CC2D2B: variants seen among roughly 807,000 people sequenced by gnomAD.
The protein encoded by CC2D2B is coiled-coil and C2 domain containing 2B, also known as protein CC2D2B.
A neutral mutation model predicts 161.2 loss-of-function variants in CC2D2B; 128 were observed. The ratio of observed to expected loss-of-function variants is 0.79; its 90% CI spans 0.69 to 0.92. The LOEUF (loss-of-function observed/expected upper bound fraction) is 0.92, where lower values mean the gene tolerates loss of function less well. Among genes scored for constraint, CC2D2B ranks in the 40% least tolerant of loss-of-function variants. The pLI, the probability that CC2D2B is intolerant of heterozygous loss-of-function variation, is 0.00. For missense variants in CC2D2B, 1,173 were observed against 1,375.1 expected (o/e 0.85, Z 2.32); for synonymous variants, 391 against 449.8 (o/e 0.87, Z 1.65).
intron 17 of CC2D2B, 139 bp from the exon 18 acceptor site, chr10:95,981,836 C>T (rs1191003979): frequency 1.7e-5 from 7 of 422,218 alleles, no homozygotes; most frequent in Non-Finnish European, 2.8e-5. Flanking sequence ...TCTATTCTAT[C>T]CATAAATACA....
chr10:96,009,511 T>C (rs932201369), intron 25 of CC2D2B, among the ~76,000 whole-genome samples: 2 of 152,178 alleles, frequency 1.3e-5, no homozygotes, highest in Non-Finnish European at 2.9e-5. Flanking sequence ...CCACTTCACA[T>C]ATAGTGTAAG....
chr10:96,024,136 C>T (rs141236398), intron 32 of CC2D2B, among the ~76,000 whole-genome samples: 2 of 152,316 alleles, frequency 1.3e-5, no homozygotes, highest in South Asian at 2.1e-4. Context: ...GAAGTCCTCT[C>T]CTCCCAGAAA....
In CC2D2B at chr10:95,965,986, G is replaced by GA. The variant is rs1398540805; in HGVS notation, c.1347dup (p.Leu450ThrfsTer15). The GA allele has an allele frequency of 3.4e-6, 4 of 1,164,842 alleles. No homozygotes were observed. The highest frequency in any genetic ancestry group is 4.4e-5 in the South Asian group (1 of 22,872). 72.2% of individuals were successfully genotyped at this position (1,164,842 alleles called of 1,614,324 possible). On this transcript the variant is annotated frameshift_variant, in exon 13 of 35. Coordinates refer to ENST00000646931, the MANE Select transcript of CC2D2B (RefSeq NM_001349008.3). LOFTEE classifies it high-confidence loss of function. Reference sequence around the variant, plus strand: ...ATGAAGGAAAAGAACTTAAGAATGGGAAAAAACTGGAGGTATTTATATTGC... The same window carrying GA: ...ATGAAGGAAAAGAACTTAAGAATGGGAAAAAAACTGGAGGTATTTATATTGC...
intron 2 of CC2D2B, among the ~76,000 whole-genome samples, chr10:95,917,783 TTTTTGAGACAGTATTA>T (rs951149395): frequency 2.6e-5 from 4 of 152,176 alleles, no homozygotes; most frequent in Admixed American, 2.6e-4. Context: ...GCAGTTATTA[TTTTTGAGACAGTATTA>T]TTTTGAGACA....
intron 1 of CC2D2B, among the ~76,000 whole-genome samples, chr10:95,910,350 T>A (rs946287198): frequency 3.9e-5 from 6 of 152,314 alleles, no homozygotes; most frequent in Non-Finnish European, 8.8e-5. Flanking sequence ...CTGCAGGCTA[T>A]ATAAGCATGG....
At chr10:95,991,577 A>G (rs2077957912) in intron 21 of CC2D2B, 116 bp downstream of exon 21, 1 of 348,172 alleles carries the variant, frequency 2.9e-6, no homozygotes, top group Non-Finnish European at 5.1e-6. Context: ...ATGCGGTTTC[A>G]GATCATAACA....
At chr10:95,957,258 A>G (rs77163495) in intron 11 of CC2D2B, among the ~76,000 whole-genome samples, 6,469 of 152,226 alleles carry the variant, frequency 0.042, 188 homozygotes, top group South Asian at 0.084. Flanking sequence ...TGCAATGAGA[A>G]GGGGACCATT....
At chr10:95,927,189 T>C (rs774480919) in intron 5 of CC2D2B, 48 bp from the exon 6 acceptor site, 5 of 1,048,596 alleles carry the variant, frequency 4.8e-6, no homozygotes, top group Middle Eastern at 2.0e-4. Flanking sequence ...CCTTTACTTA[T>C]AAGCAGAAAA....
At chr10:96,030,094 G>A (rs1355384864) in intron 34 of CC2D2B, among the ~76,000 whole-genome samples, 1 of 152,080 alleles carries the variant, frequency 6.6e-6, no homozygotes, top group African/African-American at 2.4e-5. Flanking sequence ...ATTACAGAAT[G>A]AGCCACTGTG....
rs1049868753 is a variant in CC2D2B, at chr10:96,032,553, G to A, written c.*545G>A. 3.0e-5 allele frequency: 9 copies of A among 304,110 alleles called. No homozygotes were observed. The highest frequency in any genetic ancestry group is 8.7e-5 in the African/African-American group (4 of 45,788). The allele number at this position is 304,110 out of a possible 1,614,324, so 18.8% of individuals were successfully genotyped here. ...GTCACTACTAAACTAAGGCTGGTAC[G>A]TTTGATGCTGGGTCTGATACAATTT... On this transcript the variant is annotated 3_prime_UTR_variant, in exon 35 of 35. Transcript: ENST00000646931.
At chr10:96,012,511 A>C (rs780994005) in intron 27 of CC2D2B, 21 bp from the exon 28 acceptor site, 4 of 1,521,832 alleles carry the variant, frequency 2.6e-6, no homozygotes, top group Non-Finnish European at 2.7e-6. Flanking sequence ...CAATTCTGAA[A>C]TACTTTACAT....
chr10:95,968,284 T>C (rs942463454), intron 14 of CC2D2B, among the ~76,000 whole-genome samples: 1 of 152,182 alleles, frequency 6.6e-6, no homozygotes, highest in Non-Finnish European at 1.5e-5. Flanking sequence ...GACAACATGG[T>C]GTGTGGAGGG....
chr10:95,990,644 C>T (rs2077916175), intron 20 of CC2D2B, among the ~76,000 whole-genome samples: 1 of 152,136 alleles, frequency 6.6e-6, no homozygotes, highest in African/African-American at 2.4e-5. Flanking sequence ...TCCCTACCCG[C>T]TTCAAGAAGA....
intron 2 of CC2D2B, among the ~76,000 whole-genome samples, chr10:95,911,865 C>T (rs562460718): frequency 6.6e-6 from 1 of 152,214 alleles, no homozygotes; most frequent in South Asian, 2.1e-4. Flanking sequence ...TTCCATCATA[C>T]CTTAAGGGTT....
chr10:95,975,326 T>C (rs2077275117), intron 17 of CC2D2B, among the ~76,000 whole-genome samples: 2 of 152,186 alleles, frequency 1.3e-5, no homozygotes, highest in Non-Finnish European at 2.9e-5. Context: ...AGTTCATAAA[T>C]GCTTTTCTTC....
intron 6 of CC2D2B, among the ~76,000 whole-genome samples, chr10:95,936,106 G>T (rs758103462): frequency 1.2e-4 from 18 of 152,174 alleles, no homozygotes; most frequent in Non-Finnish European, 2.1e-4. Context: ...AGCAGAGTAT[G>T]CCAGGGCTAG....
At chr10:95,935,467 G>C (rs2141252330) in intron 6 of CC2D2B, among the ~76,000 whole-genome samples, 1 of 149,212 alleles carries the variant, frequency 6.7e-6, no homozygotes, top group Non-Finnish European at 1.5e-5. Flanking sequence ...CAGTGACCTT[G>C]TTAAAATCTA....
At chr10:95,976,879 GC>G (rs1398593082) in intron 17 of CC2D2B, among the ~76,000 whole-genome samples, 3 of 152,180 alleles carry the variant, frequency 2.0e-5, no homozygotes, top group African/African-American at 7.2e-5. Flanking sequence ...CTCCAGAGTA[GC>G]TGGGATTACA....
chr10:96,025,174 T>TAAAAAAAAAA lies in CC2D2B; in HGVS notation c.3947+264_3947+265insAAAAAAAAAA, dbSNP rs1564683948. Among the ~76,000 whole-genome samples the TAAAAAAAAAA allele has an allele frequency of 2.6e-3, 39 of 15,078 alleles. 3 individuals are homozygous for TAAAAAAAAAA. The highest frequency in any genetic ancestry group is 9.6e-3 in the African/African-American group (35 of 3,652). 9.9% of individuals were successfully genotyped at this position (15,078 alleles called of 152,430 possible). A position where few individuals can be genotyped will look rare whatever the true frequency, so the allele number is the denominator to read the frequency against. ...AAAAAAATATATATATATATATATA[T>TAAAAAAAAAA]ATATATATATAAAAAAAAATATATA... is the stretch of plus-strand genomic sequence containing the variant. On this transcript the variant is annotated intron_variant, in intron 33 of 34. Coordinates refer to ENST00000646931, the MANE Select transcript of CC2D2B (RefSeq NM_001349008.3).
Sources: gnomAD v4.1 joint callset for allele counts (sites outside exome capture counted in the v4.1 genomes callset) on GRCh38, gnomAD v4.1.1 for gene constraint, MANE v1.5 for transcripts, NCBI Gene and HGNC (gene_info 2026-07-23, HGNC 2026-07-21) for gene names.